The following PCM1 variants were observed in gnomAD, a reference collection of about 807,000 sequenced individuals.
The protein encoded by PCM1 is pericentriolar material 1, also known as pericentriolar material 1 protein.
In PCM1, 157 loss-of-function variants were observed where a neutral mutation model predicts 241.9. That is an observed-to-expected ratio of 0.65 (90% CI 0.57 to 0.74). PCM1 has a LOEUF of 0.74. Ranked by LOEUF, PCM1 falls within the 30% of genes least tolerant of loss-of-function variation. The pLI, the probability that PCM1 is intolerant of heterozygous loss-of-function variation, is 0.00. For synonymous variants in PCM1, 1,085 were observed against 784.9 expected, an observed-to-expected ratio of 1.38 and a Z score of -6.39; for missense variants, 3,478 against 2,360.1, an observed-to-expected ratio of 1.47 and a Z score of -9.81.
chr8:17,984,667 T>C (rs2082019403), intron 24 of PCM1, among the ~76,000 whole-genome samples: 1 of 151,982 alleles, frequency 6.6e-6, no homozygotes, highest in South Asian at 2.1e-4. Flanking sequence ...TATGATCTTG[T>C]ATACTTCTTT....
At chr8:17,968,053 G>T (rs1423588902) in intron 21 of PCM1, among the ~76,000 whole-genome samples, 1 of 123,930 alleles carries the variant, frequency 8.1e-6, no homozygotes, top group South Asian at 2.4e-4. Context: ...CAGTTCCGCC[G>T]CCAAAAAAAA....
intron 15 of PCM1, among the ~76,000 whole-genome samples, chr8:17,960,779 C>G (rs951301760): frequency 8.6e-5 from 13 of 152,020 alleles, no homozygotes; most frequent in Non-Finnish European, 5.9e-5. Context: ...CCGTCTCAGC[C>G]TCCCAAAGTG....
rs544761822 is a variant in PCM1, at chr8:17,938,483, C to G, written c.343-257C>G. ...TTGGATAAGGGGTACTCAAGCTGTA[C>G]TTCATTTAGACTTACCTTGTTCATA... On this transcript the variant is annotated intron_variant, in intron 4 of 38. Transcript: ENST00000325083. Among the ~76,000 whole-genome samples, 355 of 152,284 alleles carry G rather than the reference C, an allele frequency of 2.3e-3. 3 individuals are homozygous for G. Among genetic ancestry groups the G allele is most frequent in the Non-Finnish European group, 3.4e-3 (228 of 68,006 alleles).
chr8:17,957,296 T>A lies in PCM1; in HGVS notation c.1679T>A (p.Val560Glu). 1 of 1,605,234 alleles carries A rather than the reference T, an allele frequency of 6.2e-7. No homozygotes were observed. The highest frequency in any genetic ancestry group is 8.5e-7 in the Non-Finnish European group (1 of 1,174,504). Reference protein sequence around the residue: ...NPQVASTWNEVNSHSNAQCVS... With the variant: ...NPQVASTWNEENSHSNAQCVS... ...CAAGTAGCTTCCACTTGGAATGAAG[T>A]AAATAGTCATAGTAATGCACAGTGT... The change falls in exon 12 of 39, where the codon GTA (valine) becomes GAA (glutamate). Residue 560 changes from valine to glutamate, a missense_variant. Transcript: ENST00000325083.
rs1563944192 is a variant in PCM1 at position 17,960,442 on chromosome 8, C to CAGGTAATT, written c.2322_2322+7dup. On this transcript the variant is annotated frameshift_variant and splice_region_variant, in exon 15 of 39. Transcript: ENST00000325083. LOFTEE classifies it high-confidence loss of function. ...ATTGCAAACGGCATGCCCTGACTTA[C>CAGGTAATT]AGGTAATTATGAAATTTATTTCTAA... The CAGGTAATT allele has an allele frequency of 6.3e-7, 1 of 1,575,960 alleles. No homozygotes were observed. Among genetic ancestry groups the CAGGTAATT allele is most frequent in the Middle Eastern group, 1.7e-4 (1 of 5,952 alleles).
At chr8:17,958,423 G>A (rs911099714) in intron 13 of PCM1, among the ~76,000 whole-genome samples, 3 of 151,988 alleles carry the variant, frequency 2.0e-5, no homozygotes, top group African/African-American at 7.3e-5. Flanking sequence ...TAACTATAAT[G>A]TACAATTGTA....
chr8:17,927,097 T>A (rs1455838504), intron 2 of PCM1: 5 of 151,548 alleles, frequency 3.3e-5, no homozygotes, highest in Admixed American at 2.6e-4. Flanking sequence ...GAGAAAAAAA[T>A]AATTTTTTTC....
chr8:17,928,823 G>A (rs1439225476), intron 2 of PCM1, among the ~76,000 whole-genome samples: 1 of 151,606 alleles, frequency 6.6e-6, no homozygotes, highest in Non-Finnish European at 1.5e-5. Context: ...GTGGAAACAG[G>A]GTTTCGCAGT....
chr8:17,970,408 T>G (rs1488650661), intron 22 of PCM1, among the ~76,000 whole-genome samples: 6 of 151,618 alleles, frequency 4.0e-5, no homozygotes, highest in African/African-American at 1.2e-4. Context: ...TGACACTGTT[T>G]AATTACTGAG....
At chr8:17,957,190 G>C (rs1227729493) in intron 11 of PCM1, 74 bp from the exon 12 acceptor site, 7 of 1,160,076 alleles carry the variant, frequency 6.0e-6, no homozygotes, top group Non-Finnish European at 8.4e-6. Context: ...TATTTTATTA[G>C]CAGTTCTAAA....
chr8:17,935,848 A>G, intron 3 of PCM1, 142 bp downstream of exon 3: 2 of 480,464 alleles, frequency 4.2e-6, no homozygotes, highest in Non-Finnish European at 7.6e-6. Context: ...CGTTTATTAT[A>G]TTAATTGAAG....
At chr8:17,980,385 G>C (rs1018733859) in intron 23 of PCM1, 1 of 407,610 alleles carries the variant, frequency 2.5e-6, no homozygotes, top group Non-Finnish European at 4.3e-6. Context: ...GAACAGTGAA[G>C]GTTAGATTTA....
At position 17,966,037 on chromosome 8, in the gene PCM1, ATC is replaced by A. The variant is rs1563999111; in HGVS notation, c.2895_2896del (p.Tyr965Ter). On this transcript the variant is annotated stop_gained and frameshift_variant, in exon 19 of 39. Coordinates refer to ENST00000325083, the MANE Select transcript of PCM1 (RefSeq NM_006197.4). LOFTEE classifies it high-confidence loss of function. Reference sequence around the variant, plus strand: ...TGCCCTTTTTCGGCAGATGAAAATTATCGTCCTTTAGCCAAGACAAGGCAACA... The same window carrying A: ...TGCCCTTTTTCGGCAGATGAAAATTAGTCCTTTAGCCAAGACAAGGCAACA... The A allele has an allele frequency of 6.2e-7, 1 of 1,612,450 alleles. No individual in the cohort carries two copies. Among genetic ancestry groups the A allele is most frequent in the South Asian group, 1.1e-5 (1 of 90,580 alleles).
chr8:17,926,635 G>A (rs953164247), intron 2 of PCM1: 2 of 152,128 alleles, frequency 1.3e-5, no homozygotes, highest in South Asian at 2.1e-4. Context: ...GAATTGAGTC[G>A]ACACAGTACG....
In PCM1 at chr8:17,938,810, G is replaced by A. The variant is rs1286077979; in HGVS notation, c.413G>A (p.Arg138Gln). The A allele has an allele frequency of 8.1e-6, 13 of 1,612,970 alleles. No individual in the cohort carries two copies. The highest frequency in any genetic ancestry group is 1.7e-5 in the Admixed American group (1 of 59,996). The change falls in exon 5 of 39, where the codon CGA becomes CAA. Residue 138 changes from arginine to glutamine, a missense_variant. Transcript: ENST00000325083. ...AACAAACGTCAGCTTAGTGAAAACC[G>A]AAAGCCCTTCAACTTTTTGCCTATG... is the stretch of plus-strand genomic sequence containing the variant. ...ANNKRQLSEN[R>Q]KPFNFLPMQI...
rs573501071 is a variant in PCM1 at position 17,924,139 on chromosome 8, C to T, written c.-90-574C>T. Among the ~76,000 whole-genome samples the T allele has an allele frequency of 1.7e-3, 256 of 152,280 alleles. 1 individual carries two copies. Among genetic ancestry groups the T allele is most frequent in the Non-Finnish European group, 2.3e-3 (157 of 68,026 alleles). On this transcript the variant is annotated intron_variant, in intron 1 of 38. Coordinates refer to ENST00000325083, the MANE Select transcript of PCM1 (RefSeq NM_006197.4). ...ATAACCGCTTTCCAGACTCCGCCTGCTGGTGTTCTCTGGTTACCGGAGTGG... is the reference window on the plus strand; with the variant it reads ...ATAACCGCTTTCCAGACTCCGCCTGTTGGTGTTCTCTGGTTACCGGAGTGG...
chr8:17,963,325 T>C (rs1208568210), intron 17 of PCM1, 34 bp downstream of exon 17: 2 of 1,514,608 alleles, frequency 1.3e-6, no homozygotes, highest in Non-Finnish European at 1.8e-6. Flanking sequence ...TTTCTAAAAA[T>C]GTCACCTGCC....
At position 18,029,703 on chromosome 8, in the gene PCM1, T is replaced by C. The variant is rs2094417064; in HGVS notation, c.*2041T>C. 5.1e-6 allele frequency: 1 copy of C among 197,016 alleles called. No homozygotes were observed. Among genetic ancestry groups the C allele is most frequent in the Non-Finnish European group, 1.1e-5 (1 of 95,210 alleles). 12.2% of individuals were successfully genotyped at this position (197,016 alleles called of 1,614,324 possible). ...ATATATTTATTTAATCTGTTTTCTC[T>C]AGTAACTATTGCTGAAGGGTTAGGC... On this transcript the variant is annotated 3_prime_UTR_variant, in exon 39 of 39. Transcript: ENST00000325083.
At chr8:17,955,228 T>C (rs1476974283) in intron 9 of PCM1, among the ~76,000 whole-genome samples, 1 of 152,204 alleles carries the variant, frequency 6.6e-6, no homozygotes, top group Non-Finnish European at 1.5e-5. Flanking sequence ...CTTTCTGTTT[T>C]AACCCAGTGG....
Sources: allele counts gnomAD v4.1 joint callset (sites outside exome capture counted in the v4.1 genomes callset), GRCh38; gene constraint gnomAD v4.1.1; transcripts MANE v1.5; gene names NCBI Gene and HGNC (gene_info 2026-07-23, HGNC 2026-07-21).